The following GABRG3 variants were observed in gnomAD, a reference collection of about 807,000 sequenced individuals.
GABRG3 encodes the protein gamma-aminobutyric acid receptor subunit gamma-3.
A neutral mutation model predicts 48.8 loss-of-function variants in GABRG3; 25 were observed. That is an observed-to-expected ratio of 0.51 (90% CI 0.37 to 0.72). The LOEUF (loss-of-function observed/expected upper bound fraction) is 0.72, where lower values mean the gene tolerates loss of function less well. Ranked by LOEUF, GABRG3 falls within the 30% of genes least tolerant of loss-of-function variation. GABRG3 has a pLI of 0.00. For missense variants in GABRG3, 394 were observed against 577.9 expected, an observed-to-expected ratio of 0.68 and a Z score of 3.26; for synonymous variants, 227 against 217.6, an observed-to-expected ratio of 1.04 and a Z score of -0.38.
chr15:27,423,153 G>A (rs1458864758), intron 5 of GABRG3, among the ~76,000 whole-genome samples: 4 of 141,912 alleles, frequency 2.8e-5, no homozygotes, highest in Non-Finnish European at 6.0e-5. Context: ...ACATCATCAA[G>A]AGTTATGCTT....
intron 5 of GABRG3, among the ~76,000 whole-genome samples, chr15:27,374,774 C>G (rs1436353863): frequency 6.6e-6 from 1 of 152,190 alleles, no homozygotes; most frequent in Admixed American, 6.5e-5. Context: ...AGGGTTTGTC[C>G]TCCAACTCAG....
chr15:27,105,578 G>A (rs1260103888), intron 3 of GABRG3, among the ~76,000 whole-genome samples: 1 of 152,106 alleles, frequency 6.6e-6, no homozygotes, highest in Non-Finnish European at 1.5e-5. Context: ...CATGTAATCG[G>A]ACTAGAAATC....
chr15:27,228,247 G>GT (rs1487422900), intron 3 of GABRG3, among the ~76,000 whole-genome samples: 1 of 152,122 alleles, frequency 6.6e-6, no homozygotes, highest in East Asian at 1.9e-4. Context: ...CCCAGTATCT[G>GT]TTGTTTCCTT....
At chr15:27,438,051 TG>T (rs1265371357) in intron 5 of GABRG3, among the ~76,000 whole-genome samples, 1 of 152,072 alleles carries the variant, frequency 6.6e-6, no homozygotes, top group Admixed American at 6.5e-5. Flanking sequence ...GCCCCAACAT[TG>T]GGGATCAGAT....
At chr15:27,097,459 C>T (rs531796304) in intron 3 of GABRG3, among the ~76,000 whole-genome samples, 2 of 152,104 alleles carry the variant, frequency 1.3e-5, no homozygotes, top group South Asian at 2.1e-4. Context: ...TTTACCTTCT[C>T]TCCTTCCCTC....
intron 6 of GABRG3, among the ~76,000 whole-genome samples, chr15:27,482,299 A>G (rs948069951): frequency 6.6e-6 from 1 of 152,202 alleles, no homozygotes; most frequent in African/African-American, 2.4e-5. Flanking sequence ...TTCCCATTTC[A>G]TACGCTCGGG....
intron 3 of GABRG3, among the ~76,000 whole-genome samples, chr15:27,223,714 TC>T (rs1889523092): frequency 6.6e-6 from 1 of 152,164 alleles, no homozygotes; most frequent in Non-Finnish European, 1.5e-5. Context: ...TAGTACCTTG[TC>T]CCCCGTGCCA....
chr15:27,256,817 C>A (rs1195477294), intron 3 of GABRG3, among the ~76,000 whole-genome samples: 1 of 152,156 alleles, frequency 6.6e-6, no homozygotes, highest in African/African-American at 2.4e-5. Flanking sequence ...TTTTGCTGTT[C>A]CACTGCTACA....
chr15:27,262,369 G>A (rs1306199004), intron 3 of GABRG3, among the ~76,000 whole-genome samples: 1 of 152,204 alleles, frequency 6.6e-6, no homozygotes, highest in African/African-American at 2.4e-5. Flanking sequence ...AAGCAAGAAT[G>A]CAACAGGATG....
At chr15:27,127,355 A>C (rs1280495605) in intron 3 of GABRG3, among the ~76,000 whole-genome samples, 1 of 151,172 alleles carries the variant, frequency 6.6e-6, no homozygotes, top group African/African-American at 2.4e-5. Flanking sequence ...TCAGAAAGAC[A>C]AATTCTGTAT....
chr15:27,138,858 G>A (rs1898053891), intron 3 of GABRG3, among the ~76,000 whole-genome samples: 2 of 152,070 alleles, frequency 1.3e-5, no homozygotes, highest in Non-Finnish European at 1.5e-5. Flanking sequence ...TTAATTCCTG[G>A]TGTTCCAAAA....
rs1258022325 is a variant in GABRG3, at chr15:27,338,880, G to A, written c.574+9992G>A. Among the ~76,000 whole-genome samples, 9 of 152,200 alleles carry A rather than the reference G, an allele frequency of 5.9e-5. No homozygotes were observed. In the East Asian group the frequency reaches 1.7e-3, roughly 29 times the overall value. On this transcript the variant is annotated intron_variant, in intron 5 of 9. Coordinates refer to ENST00000615808, the MANE Select transcript of GABRG3 (RefSeq NM_033223.5). Reference sequence around the variant, plus strand: ...TAAACTCCTGTTGATGTGACCTAGGGAGAGAATCAACCACTCTTTAGTCAT... The same window carrying A: ...TAAACTCCTGTTGATGTGACCTAGGAAGAGAATCAACCACTCTTTAGTCAT...
At chr15:27,060,604 C>T (rs914948849) in intron 3 of GABRG3, among the ~76,000 whole-genome samples, 4 of 152,096 alleles carry the variant, frequency 2.6e-5, no homozygotes, top group African/African-American at 4.8e-5. Flanking sequence ...CGTTAAGTGG[C>T]GTGGGGATGA....
At chr15:27,523,088 G>A (rs993271138) in intron 7 of GABRG3, among the ~76,000 whole-genome samples, 1 of 151,590 alleles carries the variant, frequency 6.6e-6, no homozygotes, top group African/African-American at 2.4e-5. Flanking sequence ...TACTTAAAAT[G>A]GATTATACTC....
chr15:27,387,269 G>A (rs1406996723), intron 5 of GABRG3, among the ~76,000 whole-genome samples: 1 of 150,368 alleles, frequency 6.7e-6, no homozygotes, highest in Non-Finnish European at 1.5e-5. Context: ...TTTTTTATTT[G>A]ATGAGTCATT....
chr15:27,474,100 C>T (rs939177009), intron 5 of GABRG3, among the ~76,000 whole-genome samples: 15 of 152,026 alleles, frequency 9.9e-5, no homozygotes, highest in African/African-American at 3.6e-4. Context: ...CACCACCCAC[C>T]ACATGAGGCT....
chr15:27,003,068 C>G (rs890610869), intron 2 of GABRG3, among the ~76,000 whole-genome samples: 5 of 151,852 alleles, frequency 3.3e-5, no homozygotes, highest in African/African-American at 1.2e-4. Context: ...ATGTTTTCTT[C>G]AAGCTTCTAT....
intron 3 of GABRG3, among the ~76,000 whole-genome samples, chr15:27,041,642 G>A (rs929192405): frequency 1.3e-5 from 2 of 152,030 alleles, no homozygotes; most frequent in African/African-American, 4.8e-5. Context: ...CATATTATTC[G>A]TAGTGTGTTC....
chr15:27,140,492 T>C (rs1898084105), intron 3 of GABRG3, among the ~76,000 whole-genome samples: 1 of 152,196 alleles, frequency 6.6e-6, no homozygotes, highest in Admixed American at 6.5e-5. Flanking sequence ...TGATAGTTTA[T>C]CATTTTATTC....
Sources: allele counts gnomAD v4.1 joint callset (sites outside exome capture counted in the v4.1 genomes callset), GRCh38; gene constraint gnomAD v4.1.1; transcripts MANE v1.5; gene names NCBI Gene and HGNC (gene_info 2026-07-23, HGNC 2026-07-21).